THSD7B: variants seen among roughly 807,000 people sequenced by gnomAD.
The protein encoded by THSD7B is thrombospondin type-1 domain-containing protein 7B.
In THSD7B, 138 loss-of-function variants were observed where a neutral mutation model predicts 213.6. That is an observed-to-expected ratio of 0.65 (90% CI 0.56 to 0.74). The LOEUF (loss-of-function observed/expected upper bound fraction) is 0.74. Ranked by LOEUF, THSD7B falls within the 30% of genes least tolerant of loss-of-function variation. The pLI is 0.00. For synonymous variants in THSD7B, 742 were observed against 687.0 expected, an observed-to-expected ratio of 1.08 and a Z score of -1.25; for missense variants, 1,931 against 1,991.5, an observed-to-expected ratio of 0.97 and a Z score of 0.58.
Position 137,125,363 on chromosome 2 carries a change from A to C in THSD7B, c.1369+10070A>C, listed in dbSNP as rs1043108234. On this transcript the variant is annotated intron_variant, in intron 5 of 27. Transcript: ENST00000409968. ...CTAAATGCTTTGTTGCCATTTCAAT[A>C]ATGTTGAGAGCATCTTCACCAGGAG... Among the ~76,000 whole-genome samples, 6 of 152,196 alleles carry C rather than the reference A, an allele frequency of 3.9e-5. No homozygotes were observed. In the East Asian group the frequency reaches 1.2e-3, roughly 29 times the overall value.
At chr2:137,466,179 A>G (rs530683515) in intron 15 of THSD7B, among the ~76,000 whole-genome samples, 45 of 152,234 alleles carry the variant, frequency 3.0e-4, no homozygotes, top group African/African-American at 9.9e-4. Flanking sequence ...TCAAAAAGAG[A>G]AGTGGTAACA....
chr2:137,276,960 A>G (rs977968082), intron 12 of THSD7B, among the ~76,000 whole-genome samples: 1 of 152,102 alleles, frequency 6.6e-6, no homozygotes, highest in Non-Finnish European at 1.5e-5. Flanking sequence ...GGCTTTGTGT[A>G]AATTATAAGA....
At chr2:137,117,554 T>C (rs1041145896) in intron 5 of THSD7B, among the ~76,000 whole-genome samples, 1 of 152,118 alleles carries the variant, frequency 6.6e-6, no homozygotes, top group Non-Finnish European at 1.5e-5. Context: ...CCTTTGTGAG[T>C]CACTATTGAC....
At chr2:137,253,230 C>T (rs1324768862) in intron 10 of THSD7B, among the ~76,000 whole-genome samples, 1 of 152,188 alleles carries the variant, frequency 6.6e-6, no homozygotes, top group Non-Finnish European at 1.5e-5. Context: ...ATAAACAGTG[C>T]TGTTTGGTTG....
intron 2 of THSD7B, among the ~76,000 whole-genome samples, chr2:136,961,794 G>A (rs1229092636): frequency 3.3e-5 from 5 of 152,262 alleles, no homozygotes; most frequent in East Asian, 3.9e-4. Context: ...TACAACCTTC[G>A]GTTACTAATC....
At chr2:137,502,885 A>G (rs1558818994) in intron 15 of THSD7B, among the ~76,000 whole-genome samples, 1 of 152,192 alleles carries the variant, frequency 6.6e-6, no homozygotes. Context: ...AAATCATGAA[A>G]AATGTGTATA....
At chr2:137,122,752 C>G (rs1688565999) in intron 5 of THSD7B, among the ~76,000 whole-genome samples, 1 of 152,106 alleles carries the variant, frequency 6.6e-6, no homozygotes, top group African/African-American at 2.4e-5. Flanking sequence ...CTGCTGCCCA[C>G]TATCATATAG....
rs1686389130 is a variant in THSD7B, at chr2:137,402,363, G to A, written c.2501-3250G>A. ...TTTCCTTTATTAATTTGAAAAATTC[G>A]ATATAGATCTCTGGAAATGCAGTGT... On this transcript the variant is annotated intron_variant, in intron 12 of 27. Coordinates refer to ENST00000409968, the MANE Select transcript of THSD7B (RefSeq NM_001316349.2). 3.3e-5 allele frequency among the ~76,000 whole-genome samples: 5 copies of A among 151,766 alleles called. No individual in the cohort carries two copies. In the South Asian group the frequency reaches 1.0e-3, roughly 32 times the overall value.
At chr2:136,854,008 T>G (rs923690779) in intron 1 of THSD7B, among the ~76,000 whole-genome samples, 4 of 152,212 alleles carry the variant, frequency 2.6e-5, no homozygotes, top group African/African-American at 9.6e-5. Context: ...TCTTACTTTC[T>G]GGCACAACAG....
intron 1 of THSD7B, among the ~76,000 whole-genome samples, chr2:136,850,561 C>G (rs1244740175): frequency 6.6e-6 from 1 of 151,734 alleles, no homozygotes; most frequent in Non-Finnish European, 1.5e-5. Flanking sequence ...TTCTAAATGG[C>G]AGGCATTTTA....
At chr2:137,499,877 G>A (rs577943493) in intron 15 of THSD7B, among the ~76,000 whole-genome samples, 3 of 152,112 alleles carry the variant, frequency 2.0e-5, no homozygotes, top group African/African-American at 4.8e-5. Flanking sequence ...ATGAGGGCAG[G>A]CAATACAGTC....
At chr2:137,575,842 A>G (rs1423006794) in intron 17 of THSD7B, among the ~76,000 whole-genome samples, 1 of 151,928 alleles carries the variant, frequency 6.6e-6, no homozygotes, top group Non-Finnish European at 1.5e-5. Flanking sequence ...TTTACTCTTT[A>G]AAAGTATGTG....
chr2:137,330,769 A>G lies in THSD7B; in HGVS notation c.2500+54743A>G, dbSNP rs547119694. ...GATTTATTGCAAAGAGCGAAAGAAC[A>G]AAGCTTCCACAGTGTGGAAGGGGCC... On this transcript the variant is annotated intron_variant, in intron 12 of 27. Transcript: ENST00000409968. 4.6e-5 allele frequency among the ~76,000 whole-genome samples: 7 copies of G among 152,188 alleles called. No homozygotes were observed. The South Asian group carries it at 1.5e-3, about 32-fold the overall frequency.
chr2:137,605,737 C>T (rs1367746200), intron 17 of THSD7B, among the ~76,000 whole-genome samples: 1 of 133,972 alleles, frequency 7.5e-6, no homozygotes, highest in African/African-American at 2.7e-5. Flanking sequence ...GGTGCGATCT[C>T]AGCTCACTGC....
intron 2 of THSD7B, among the ~76,000 whole-genome samples, chr2:136,895,456 G>T (rs1406935899): frequency 1.4e-5 from 2 of 144,042 alleles, no homozygotes; most frequent in South Asian, 2.2e-4. Flanking sequence ...ATGTAAATGG[G>T]TTACCATTTT....
At chr2:137,480,287 G>T (rs1424200727) in intron 15 of THSD7B, among the ~76,000 whole-genome samples, 1 of 151,816 alleles carries the variant, frequency 6.6e-6, no homozygotes, top group Non-Finnish European at 1.5e-5. Context: ...TAAGAACATG[G>T]TATTAGACTA....
intron 1 of THSD7B, among the ~76,000 whole-genome samples, chr2:136,867,398 C>G (rs1683350109): frequency 6.6e-6 from 1 of 152,128 alleles, no homozygotes; most frequent in Non-Finnish European, 1.5e-5. Flanking sequence ...GACAAGCATG[C>G]AAACAAGAAA....
intron 2 of THSD7B, among the ~76,000 whole-genome samples, chr2:137,026,706 T>A (rs1686562491): frequency 6.6e-6 from 1 of 152,230 alleles, no homozygotes; most frequent in Non-Finnish European, 1.5e-5. Context: ...CCTGGCCATC[T>A]GAAACAATAT....
intron 1 of THSD7B, among the ~76,000 whole-genome samples, chr2:136,781,913 T>C (rs552090943): frequency 5.3e-4 from 80 of 152,284 alleles, no homozygotes; most frequent in African/African-American, 1.9e-3. Context: ...ACATGTGACA[T>C]ATACATTTTT....
Sources: gnomAD v4.1 joint callset for allele counts (sites outside exome capture counted in the v4.1 genomes callset) on GRCh38, gnomAD v4.1.1 for gene constraint, MANE v1.5 for transcripts, NCBI Gene and HGNC (gene_info 2026-07-23, HGNC 2026-07-21) for gene names.